Variants in TENT4B observed in about 807,000 individuals in gnomAD.
TENT4B encodes terminal nucleotidyltransferase 4B.
TENT4B carries 10 observed loss-of-function variants against 75.0 expected under a neutral mutation model. The ratio of observed to expected loss-of-function variants is 0.13; its 90% CI spans 0.08 to 0.23. The LOEUF (loss-of-function observed/expected upper bound fraction) is 0.23. Among genes scored for constraint, TENT4B ranks in the 10% least tolerant of loss-of-function variants. TENT4B has a pLI of 1.00. For missense variants in TENT4B, 579 were observed against 893.8 expected (o/e 0.65, Z 4.49); for synonymous variants, 350 against 357.7 (o/e 0.98, Z 0.24).
At position 50,224,652 on chromosome 16, in the gene TENT4B, T is replaced by C. The variant is rs2031968635; in HGVS notation, c.1382-5T>C. On this transcript the variant is annotated splice_polypyrimidine_tract_variant and splice_region_variant and intron_variant, in intron 7 of 11. Coordinates refer to ENST00000561678, the MANE Select transcript of TENT4B (RefSeq NM_001365324.3). Reference sequence around the variant, plus strand: ...CTTACTATGTTACGTATATTTCTTTTAAAGGTAACGATGTTGGAAGGAGTT... The same window carrying C: ...CTTACTATGTTACGTATATTTCTTTCAAAGGTAACGATGTTGGAAGGAGTT... The C allele has an allele frequency of 6.2e-7, 1 of 1,613,914 alleles. No individual in the cohort carries two copies. The highest frequency in any genetic ancestry group is 2.2e-5 in the East Asian group (1 of 44,882).
chr16:50,193,424 G>A (rs558878659), intron 1 of TENT4B, among the ~76,000 whole-genome samples: 4 of 144,212 alleles, frequency 2.8e-5, no homozygotes, highest in Non-Finnish European at 6.0e-5. Context: ...TGCAACCTCT[G>A]CCTCCTGGGC....
Position 50,216,108 on chromosome 16 carries a change from G to A in TENT4B, c.843G>A (p.Glu281=). The A allele has an allele frequency of 6.2e-7, 1 of 1,613,984 alleles. No individual in the cohort carries two copies. The highest frequency in any genetic ancestry group is 8.5e-7 in the Non-Finnish European group (1 of 1,179,868). ...ACCTAGTGGTGTTTGGGAAGTGGGA[G>A]AACCTACCCCTCTGGACTCTGGAAG... is the stretch of plus-strand genomic sequence containing the variant. The part of the protein sequence containing the change: ...DIDLVVFGKW[E]NLPLWTLEEA... Residue 281 remains glutamate (E), a synonymous_variant, in exon 4 of 12, where the codon GAG becomes GAA. Transcript: ENST00000561678.
intron 6 of TENT4B, 97 bp from the exon 7 acceptor site, chr16:50,223,077 T>C: frequency 1.0e-5 from 11 of 1,059,332 alleles, no homozygotes; most frequent in South Asian, 1.7e-5. Context: ...ACCAAAATTA[T>C]AATAATATTG....
chr16:50,234,267 T>TA lies in TENT4B; in HGVS notation c.*4946dup, dbSNP rs1253741853. The stretch of plus-strand genomic sequence containing the variant: ...CTGGGAGTTTGAGACCTTCATCTCT[T>TA]AAAAAAACAAACAAAAACCTGAATG... On this transcript the variant is annotated 3_prime_UTR_variant, in exon 12 of 12. Coordinates refer to ENST00000561678, the MANE Select transcript of TENT4B (RefSeq NM_001365324.3). 1.4e-5 allele frequency: 14 copies of TA among 985,276 alleles called. No homozygotes were observed. Among genetic ancestry groups the TA allele is most frequent in the Non-Finnish European group, 1.7e-5 (14 of 829,968 alleles). 61.0% of individuals were successfully genotyped at this position (985,276 alleles called of 1,614,324 possible).
chr16:50,203,217 T>A (rs915452151), intron 1 of TENT4B, among the ~76,000 whole-genome samples: 11 of 152,222 alleles, frequency 7.2e-5, no homozygotes, highest in African/African-American at 2.7e-4. Context: ...TATTTCTGTA[T>A]TTAAATCTGT....
chr16:50,173,203 C>T (rs1164399420), intron 1 of TENT4B, among the ~76,000 whole-genome samples: 1 of 152,200 alleles, frequency 6.6e-6, no homozygotes, highest in African/African-American at 2.4e-5. Context: ...CTCGGCCTCC[C>T]AAAGTGCTGG....
chr16:50,231,861 C>A lies in TENT4B; in HGVS notation c.*2533C>A. 2 of 983,294 alleles carry A rather than the reference C, an allele frequency of 2.0e-6. No individual in the cohort carries two copies. The highest frequency in any genetic ancestry group is 2.4e-6 in the Non-Finnish European group (2 of 827,852). The allele number at this position is 983,294 out of a possible 1,614,324, so 60.9% of individuals were successfully genotyped here. On this transcript the variant is annotated 3_prime_UTR_variant, in exon 12 of 12. Coordinates refer to ENST00000561678, the MANE Select transcript of TENT4B (RefSeq NM_001365324.3). Reference sequence around the variant, plus strand: ...GCCTGCTCATTTGTTTTATACATTTCATCTATTTGACTCCTATCTTATTTC... The same window carrying A: ...GCCTGCTCATTTGTTTTATACATTTAATCTATTTGACTCCTATCTTATTTC...
At position 50,234,872 on chromosome 16, in the gene TENT4B, T is replaced by C; in HGVS notation, c.*5544T>C. 1.0e-6 allele frequency: 1 copy of C among 985,828 alleles called. No homozygotes were observed. Among genetic ancestry groups the C allele is most frequent in the Non-Finnish European group, 1.2e-6 (1 of 829,890 alleles). 61.1% of individuals were successfully genotyped at this position (985,828 alleles called of 1,614,324 possible). The stretch of plus-strand genomic sequence containing the variant: ...GATAACGTGTATTTAGAAACTTTGG[T>C]GAAGCCAGTATTTGTTTTTAGTAAC... On this transcript the variant is annotated 3_prime_UTR_variant, in exon 12 of 12. Transcript: ENST00000561678.
At chr16:50,201,539 G>GA (rs927670660) in intron 1 of TENT4B, among the ~76,000 whole-genome samples, 2,356 of 143,574 alleles carry the variant, frequency 0.016, 72 homozygotes, top group African/African-American at 0.057. Flanking sequence ...TCTGTCTCAA[G>GA]AAAAAAAAAA....
chr16:50,216,209 C>T lies in TENT4B; in HGVS notation c.930+14C>T, dbSNP rs2031545697. ...GACAAAGCAACTGTAAGTTCTGCAG[C>T]ATTTCATATTAAAATCCTTAGTTAT... On this transcript the variant is annotated intron_variant, in intron 4 of 11. Transcript: ENST00000561678. The T allele has an allele frequency of 6.2e-7, 1 of 1,613,664 alleles. No individual in the cohort carries two copies. The highest frequency in any genetic ancestry group is 1.1e-5 in the South Asian group (1 of 91,072).
chr16:50,167,313 T>C (rs1161041549), intron 1 of TENT4B, among the ~76,000 whole-genome samples: 2 of 152,014 alleles, frequency 1.3e-5, no homozygotes, highest in Non-Finnish European at 2.9e-5. Flanking sequence ...TGGCCGTGGG[T>C]TGGATGAGCT....
At position 50,153,539 on chromosome 16, in the gene TENT4B, A is replaced by G; in HGVS notation, c.-83A>G. On this transcript the variant is annotated 5_prime_UTR_variant, in exon 1 of 12. Coordinates refer to ENST00000561678, the MANE Select transcript of TENT4B (RefSeq NM_001365324.3). ...GCAGCGGCAGCAGCAGCAGCAGCCG[A>G]GGCCGGGCGTGCGCCTGAGGCGGCG... 2 of 961,052 alleles carry G rather than the reference A, an allele frequency of 2.1e-6. No homozygotes were observed. Among genetic ancestry groups the G allele is most frequent in the Non-Finnish European group, 2.4e-6 (2 of 822,338 alleles). The allele number at this position is 961,052 out of a possible 1,614,324, so 59.5% of individuals were successfully genotyped here.
At chr16:50,178,890 TGAG>T in intron 1 of TENT4B, among the ~76,000 whole-genome samples, 1 of 152,196 alleles carries the variant, frequency 6.6e-6, no homozygotes, top group Non-Finnish European at 1.5e-5. Flanking sequence ...TGGATGGTGG[TGAG>T]GATTGCACAA....
upstream of TENT4B, chr16:50,152,939 G>C: frequency 6.7e-7 from 1 of 1,502,202 alleles, no homozygotes; most frequent in Admixed American, 2.1e-5. Flanking sequence ...CCTGCGGGGC[G>C]GGCGGCAACC....
intron 1 of TENT4B, among the ~76,000 whole-genome samples, chr16:50,170,121 C>T (rs577740533): frequency 1.1e-4 from 16 of 151,808 alleles, no homozygotes; most frequent in African/African-American, 2.2e-4. Context: ...GTGCAATCTC[C>T]GCTCACTGCA....
intron 2 of TENT4B, among the ~76,000 whole-genome samples, chr16:50,212,210 C>T (rs1382236027): frequency 1.3e-5 from 2 of 152,100 alleles, no homozygotes; most frequent in East Asian, 3.9e-4. Flanking sequence ...GTGCACGCCA[C>T]CACACTTAGC....
upstream of TENT4B, chr16:50,152,959 C>T (rs990005331): frequency 1.3e-6 from 2 of 1,509,590 alleles, no homozygotes; most frequent in Non-Finnish European, 1.8e-6. Context: ...CTCCATGCGG[C>T]CTCGTCCACG....
At chr16:50,216,019 G>T in intron 3 of TENT4B, 56 bp from the exon 4 acceptor site, 1 of 1,607,252 alleles carries the variant, frequency 6.2e-7, no homozygotes, top group Non-Finnish European at 8.5e-7. Flanking sequence ...ATGAGTGTCA[G>T]TTAAAACAAG....
chr16:50,221,361 A>G (rs2031818654), intron 5 of TENT4B, among the ~76,000 whole-genome samples: 1 of 152,200 alleles, frequency 6.6e-6, no homozygotes, highest in Non-Finnish European at 1.5e-5. Context: ...AGCCTATGGC[A>G]TGGTTTACAG....
Sources: gnomAD v4.1 joint callset for allele counts (sites outside exome capture counted in the v4.1 genomes callset) on GRCh38, gnomAD v4.1.1 for gene constraint, MANE v1.5 for transcripts, NCBI Gene and HGNC (gene_info 2026-07-23, HGNC 2026-07-21) for gene names.